Variants in SGCD observed in about 807,000 individuals in gnomAD.
SGCD encodes the protein sarcoglycan delta, also known as delta-sarcoglycan.
Under a neutral mutation model 36.6 loss-of-function variants are expected in SGCD, and 18 were observed. The ratio of observed to expected loss-of-function variants is 0.49; its 90% confidence interval spans 0.34 to 0.73. SGCD has a LOEUF of 0.73. Ranked by LOEUF, SGCD falls within the 30% of genes least tolerant of loss-of-function variation. SGCD has a pLI of 0.01. For synonymous variants in SGCD, 133 were observed against 130.6 expected (o/e 1.02, Z -0.12); for missense variants, 387 against 346.7 (o/e 1.12, Z -0.92).
intron 7 of SGCD, among the ~76,000 whole-genome samples, chr5:156,723,849 A>ATG (rs1491539931): frequency 1.6e-5 from 1 of 63,268 alleles, no homozygotes; most frequent in East Asian, 5.3e-4. Context: ...GTTTTAAGCC[A>ATG]AGTGTGTGTG....
chr5:155,730,833 C>T, the SGCD span, among the ~76,000 whole-genome samples: 1 of 152,154 alleles, frequency 6.6e-6, no homozygotes, highest in African/African-American at 2.4e-5. Flanking sequence ...TCCTTCCAGC[C>T]CCAATTTAGT....
At chr5:155,976,947 T>C (rs995001687) in intron 1 of SGCD, among the ~76,000 whole-genome samples, 2 of 152,182 alleles carry the variant, frequency 1.3e-5, no homozygotes, top group African/African-American at 4.8e-5. Flanking sequence ...AGCAGATTGA[T>C]TGAAATGCAT....
chr5:156,279,230 A>T (rs1047689926), intron 3 of SGCD, among the ~76,000 whole-genome samples: 1 of 152,192 alleles, frequency 6.6e-6, no homozygotes, highest in Non-Finnish European at 1.5e-5. Flanking sequence ...AACACAAAAA[A>T]TCTTAAGTTC....
chr5:155,816,184 A>G, the SGCD span, among the ~76,000 whole-genome samples: 1 of 152,166 alleles, frequency 6.6e-6, no homozygotes, highest in African/African-American at 2.4e-5. Flanking sequence ...AAATACATCA[A>G]TTACAGTGGT....
At chr5:156,319,983 G>A (rs1259484607) in intron 3 of SGCD, among the ~76,000 whole-genome samples, 1 of 152,230 alleles carries the variant, frequency 6.6e-6, no homozygotes, top group Non-Finnish European at 1.5e-5. Flanking sequence ...CAGCCACTGT[G>A]CTAGTTGTGG....
the SGCD span, among the ~76,000 whole-genome samples, chr5:155,856,991 T>C: frequency 6.6e-6 from 1 of 152,174 alleles, no homozygotes; most frequent in Non-Finnish European, 1.5e-5. Flanking sequence ...CCCAGTACTT[T>C]GGGAGACAGA....
At chr5:156,344,402 C>A in intron 2 of SGCD, 87 bp from the exon 3 acceptor site, 1 of 903,176 alleles carries the variant, frequency 1.1e-6, no homozygotes, top group Non-Finnish European at 1.7e-6. Flanking sequence ...CATATCTCTT[C>A]ATCAGTTGAT....
chr5:156,693,980 G>A lies in SGCD; in HGVS notation c.575+46444G>A, dbSNP rs1272436101. Reference sequence around the variant, plus strand: ...TCTTATTGTTTCCCTGACACAGGCTGACAGTCAGGTGCCCTTTATCATTGT... The same window carrying A: ...TCTTATTGTTTCCCTGACACAGGCTAACAGTCAGGTGCCCTTTATCATTGT... On this transcript the variant is annotated intron_variant, in intron 7 of 8. Coordinates refer to ENST00000337851, the MANE Select transcript of SGCD (RefSeq NM_000337.6). Among the ~76,000 whole-genome samples the A allele has an allele frequency of 2.0e-5, 3 of 152,112 alleles. No individual in the cohort carries two copies. In the East Asian group the frequency reaches 5.8e-4, roughly 29 times the overall value.
At chr5:156,071,231 A>G (rs1760551146) in intron 1 of SGCD, among the ~76,000 whole-genome samples, 1 of 152,104 alleles carries the variant, frequency 6.6e-6, no homozygotes, top group East Asian at 1.9e-4. Flanking sequence ...TTAGGGTGTC[A>G]ATTTTGGATC....
At chr5:156,478,571 A>G (rs1755292335) in intron 3 of SGCD, among the ~76,000 whole-genome samples, 1 of 152,102 alleles carries the variant, frequency 6.6e-6, no homozygotes. Flanking sequence ...TGGCTGAATC[A>G]TTCTCCAGTT....
intron 3 of SGCD, among the ~76,000 whole-genome samples, chr5:156,482,157 G>T (rs553224424): frequency 3.3e-4 from 50 of 152,282 alleles, no homozygotes; most frequent in African/African-American, 1.2e-3. Context: ...CAAGGGATTA[G>T]GTGTTGGATT....
chr5:155,891,558 C>CTTTTTTTTTTTTTTTTTTTTTTTT lies in SGCD; in HGVS notation c.-282+21153_-282+21154insTTTTTTTTTTTTTTTTTTTTTTTT. On this transcript the variant is annotated intron_variant, in intron 1 of 9. Transcript: ENST00000517913. Reference sequence around the variant, plus strand: ...CAAATTCCAGAGAAAAATAAATACTCTTTTTTTTTTTTTTTTTTTGGTGAC... The same window carrying CTTTTTTTTTTTTTTTTTTTTTTTT: ...CAAATTCCAGAGAAAAATAAATACTCTTTTTTTTTTTTTTTTTTTTTTTTTTTTTTTTTTTTTTTTTTTGGTGAC... Among the ~76,000 whole-genome samples, 104 of 60,762 alleles carry CTTTTTTTTTTTTTTTTTTTTTTTT rather than the reference C, an allele frequency of 1.7e-3. 21 individuals are homozygous for CTTTTTTTTTTTTTTTTTTTTTTTT. Among genetic ancestry groups the CTTTTTTTTTTTTTTTTTTTTTTTT allele is most frequent in the African/African-American group, 3.4e-3 (49 of 14,590 alleles). 39.9% of individuals were successfully genotyped at this position (60,762 alleles called of 152,430 possible).
chr5:155,731,014 C>G, the SGCD span, among the ~76,000 whole-genome samples: 2 of 152,070 alleles, frequency 1.3e-5, no homozygotes, highest in African/African-American at 4.8e-5. Context: ...GAGCCAGGAG[C>G]TGGGGGCCAA....
rs556489876 is a variant in SGCD, at chr5:156,000,998, G to A, written c.-281-116880G>A. 3.9e-5 allele frequency among the ~76,000 whole-genome samples: 6 copies of A among 152,150 alleles called. No individual in the cohort carries two copies. In the South Asian group the frequency reaches 1.2e-3, roughly 32 times the overall value. ...ATGCTAATTCTCACATGAACTTTTG[G>A]GGCTTGTTGTCTTTCACTGGGACCA... On this transcript the variant is annotated intron_variant, in intron 1 of 9. Coordinates refer to the SGCD transcript ENST00000517913.
At chr5:156,111,240 A>G (rs767427133) in intron 1 of SGCD, among the ~76,000 whole-genome samples, 12 of 152,178 alleles carry the variant, frequency 7.9e-5, no homozygotes, top group Non-Finnish European at 1.6e-4. Context: ...GACGAGACAG[A>G]GAGTGACACT....
chr5:156,087,555 G>A (rs531439648), intron 1 of SGCD, among the ~76,000 whole-genome samples: 11 of 150,236 alleles, frequency 7.3e-5, no homozygotes, highest in South Asian at 2.1e-4. Context: ...CAGGAGAATC[G>A]CTTGAACCTG....
intron 1 of SGCD, among the ~76,000 whole-genome samples, chr5:156,036,524 C>A (rs1458965872): frequency 1.3e-5 from 2 of 152,158 alleles, no homozygotes; most frequent in Non-Finnish European, 2.9e-5. Context: ...CTGATGAGGG[C>A]CGAGGTTTCT....
chr5:156,327,947 C>A lies in SGCD; in HGVS notation c.-44+715C>A, dbSNP rs556418054. On this transcript the variant is annotated intron_variant, in intron 1 of 8. Coordinates refer to ENST00000337851, the MANE Select transcript of SGCD (RefSeq NM_000337.6). Reference sequence around the variant, plus strand: ...AAAAACACTTCTGTATTTTAGGAAACATAGATAATAAAAAAGTAACAGAAA... The same window carrying A: ...AAAAACACTTCTGTATTTTAGGAAAAATAGATAATAAAAAAGTAACAGAAA... 1.3e-3 allele frequency among the ~76,000 whole-genome samples: 192 copies of A among 152,260 alleles called. 1 individual carries two copies. Among genetic ancestry groups the A allele is most frequent in the Non-Finnish European group, 1.8e-3 (125 of 68,002 alleles).
At chr5:155,758,801 A>G in the SGCD span, among the ~76,000 whole-genome samples, 5 of 152,114 alleles carry the variant, frequency 3.3e-5, no homozygotes, top group Non-Finnish European at 7.4e-5. Context: ...TGGTGCTAAA[A>G]GGTAGGGGAC....
Sources: gnomAD v4.1 joint callset for allele counts (sites outside exome capture counted in the v4.1 genomes callset) on GRCh38, gnomAD v4.1.1 for gene constraint, MANE v1.5 for transcripts, NCBI Gene and HGNC (gene_info 2026-07-23, HGNC 2026-07-21) for gene names.